Variants in CDC14B observed in about 807,000 individuals in gnomAD.
CDC14B encodes dual specificity protein phosphatase CDC14B.
In CDC14B, 22 loss-of-function variants were observed where a neutral mutation model predicts 64.2. The observed-to-expected ratio is 0.34, with a 90% CI of 0.24 to 0.49. The LOEUF (loss-of-function observed/expected upper bound fraction) is 0.49, where lower values mean the gene tolerates loss of function less well. CDC14B is among the 20% of genes least tolerant of loss of function. The probability of loss-of-function intolerance (pLI) is 0.99; values close to 1 mark genes in which losing one functional copy is unlikely to be tolerated. For synonymous variants in CDC14B, 191 were observed against 215.8 expected, an observed-to-expected ratio of 0.89 and a Z score of 1.01; for missense variants, 498 against 629.9, an observed-to-expected ratio of 0.79 and a Z score of 2.24.
chr9:96,502,591 CCCA>C lies in CDC14B; in HGVS notation c.*1159_*1161del. 1 of 226,806 alleles carries C rather than the reference CCCA, an allele frequency of 4.4e-6. No individual in the cohort carries two copies. The highest frequency in any genetic ancestry group is 5.7e-5 in the East Asian group (1 of 17,610). The allele number at this position is 226,806 out of a possible 1,614,324, so 14.0% of individuals were successfully genotyped here. A position where few individuals can be genotyped will look rare whatever the true frequency, so the allele number is the denominator to read the frequency against. On this transcript the variant is annotated 3_prime_UTR_variant, in exon 14 of 14. Coordinates refer to ENST00000375241, the MANE Select transcript of CDC14B (RefSeq NM_033331.4). Reference sequence around the variant, plus strand: ...TACTATATATTCTTTTATTTCGGGCCCCATTTTTTTTTTTTTTTTTAGCAGCAC... The same window carrying C: ...TACTATATATTCTTTTATTTCGGGCCTTTTTTTTTTTTTTTTTAGCAGCAC...
intron 1 of CDC14B, among the ~76,000 whole-genome samples, chr9:96,594,714 CAAAAAAA>C (rs11414625): frequency 6.8e-4 from 29 of 42,434 alleles, no homozygotes; most frequent in African/African-American, 2.5e-3. Context: ...AAGGCTGTCT[CAAAAAAA>C]AAAAAAAAAA....
intron 5 of CDC14B, among the ~76,000 whole-genome samples, chr9:96,545,798 G>GA (rs1271487579): frequency 6.6e-6 from 1 of 151,508 alleles, no homozygotes; most frequent in African/African-American, 2.4e-5. Flanking sequence ...GGGCCCTGCT[G>GA]AAGTCCTGCC....
At chr9:96,541,313 A>G (rs1180012567) in intron 6 of CDC14B, among the ~76,000 whole-genome samples, 2 of 152,220 alleles carry the variant, frequency 1.3e-5, no homozygotes, top group Non-Finnish European at 2.9e-5. Flanking sequence ...AGCAGCAGTG[A>G]CCCACTTAGT....
chr9:96,514,900 G>A (rs1249755910), intron 12 of CDC14B: 2 of 985,438 alleles, frequency 2.0e-6, no homozygotes, highest in East Asian at 2.3e-4. Flanking sequence ...AAGATCTCAA[G>A]AGAATACAGA....
intron 9 of CDC14B, among the ~76,000 whole-genome samples, chr9:96,526,299 C>CG (rs558935197): frequency 3.3e-5 from 5 of 152,114 alleles, no homozygotes; most frequent in Non-Finnish European, 7.3e-5. Flanking sequence ...ACCCGGGAGG[C>CG]GGAGCTTGCA....
intron 1 of CDC14B, among the ~76,000 whole-genome samples, chr9:96,566,360 T>C (rs1225375644): frequency 1.3e-5 from 1 of 74,168 alleles, no homozygotes; most frequent in Admixed American, 1.3e-4. Context: ...GGTAAACTAT[T>C]TTTTTTTTTT....
chr9:96,603,216 G>T (rs1846628091), intron 1 of CDC14B, among the ~76,000 whole-genome samples: 1 of 150,880 alleles, frequency 6.6e-6, no homozygotes, highest in South Asian at 2.1e-4. Context: ...TCTCTGGTAA[G>T]ACACACAAGA....
At position 96,515,508 on chromosome 9, in the gene CDC14B, T is replaced by C; in HGVS notation, c.1344-5719A>G. 2.6e-6 allele frequency: 2 copies of C among 769,750 alleles called. No individual in the cohort carries two copies. Among genetic ancestry groups the C allele is most frequent in the South Asian group, 2.3e-5 (1 of 43,058 alleles). The allele number at this position is 769,750 out of a possible 1,614,324, so 47.7% of individuals were successfully genotyped here. ...TCCCTCCCCACCACCATCCCATTAA[T>C]TGAAAAGATTCAGAAAAAGAACCTT... On this transcript the variant is annotated intron_variant, in intron 12 of 13. Transcript: ENST00000375241. The surrounding 1 kb of genome is among the most constrained non-coding windows in gnomAD (Gnocchi z 4.3).
At chr9:96,564,009 A>T (rs556254911) in intron 3 of CDC14B, among the ~76,000 whole-genome samples, 4 of 152,340 alleles carry the variant, frequency 2.6e-5, no homozygotes, top group African/African-American at 9.6e-5. Context: ...TTTTAATTAA[A>T]GCATGTTAAA....
At chr9:96,616,837 C>A (rs1468175886) in intron 1 of CDC14B, among the ~76,000 whole-genome samples, 1 of 152,110 alleles carries the variant, frequency 6.6e-6, no homozygotes, top group Non-Finnish European at 1.5e-5. Flanking sequence ...AAGGAAGGGA[C>A]CAGTTTGCCA....
intron 12 of CDC14B, among the ~76,000 whole-genome samples, chr9:96,519,047 A>T (rs1167790146): frequency 2.0e-5 from 3 of 151,930 alleles, no homozygotes; most frequent in African/African-American, 7.3e-5. Flanking sequence ...GAGGCAGGAG[A>T]ATGGCATGAT....
chr9:96,569,090 T>G (rs534489816), intron 1 of CDC14B, among the ~76,000 whole-genome samples: 1 of 152,216 alleles, frequency 6.6e-6, no homozygotes, highest in Non-Finnish European at 1.5e-5. Context: ...AATGCCTTCA[T>G]AGTCGGTGTC....
intron 1 of CDC14B, chr9:96,566,827 C>T: frequency 6.2e-7 from 1 of 1,604,004 alleles, no homozygotes; most frequent in Non-Finnish European, 8.5e-7. Context: ...GACTCCAAAG[C>T]ATCTGGAAGG....
downstream of CDC14B, chr9:96,496,211 T>C (rs1476717322): frequency 6.6e-6 from 3 of 455,846 alleles, no homozygotes; most frequent in African/African-American, 6.0e-5. Flanking sequence ...ACGCACCTGC[T>C]GAGAGGCTTC....
intron 5 of CDC14B, among the ~76,000 whole-genome samples, chr9:96,543,043 A>T (rs1047268113): frequency 3.0e-4 from 45 of 151,070 alleles, no homozygotes; most frequent in African/African-American, 1.1e-3. Flanking sequence ...AGCCCAAAAC[A>T]CCCACACAAC....
downstream of CDC14B, among the ~76,000 whole-genome samples, chr9:96,496,912 A>T (rs1161526113): frequency 2.0e-5 from 3 of 152,372 alleles, no homozygotes; most frequent in Middle Eastern, 3.4e-3. Context: ...GCCCGGGGCC[A>T]GGGAAACGCA....
At chr9:96,551,269 A>C (rs1376423051) in intron 5 of CDC14B, among the ~76,000 whole-genome samples, 5 of 151,714 alleles carry the variant, frequency 3.3e-5, no homozygotes, top group Non-Finnish European at 7.4e-5. Flanking sequence ...GGCATGTGCA[A>C]CCACGCCTGG....
chr9:96,560,759 C>CTTTT (rs369325680), intron 4 of CDC14B, among the ~76,000 whole-genome samples: 56 of 132,486 alleles, frequency 4.2e-4, no homozygotes, highest in Middle Eastern at 3.8e-3. Flanking sequence ...ACTACTCAAA[C>CTTTT]TTTTTTTTTT....
chr9:96,517,970 C>T (rs949122086), intron 12 of CDC14B, among the ~76,000 whole-genome samples: 2 of 152,004 alleles, frequency 1.3e-5, no homozygotes, highest in Non-Finnish European at 2.9e-5. Context: ...CTGTGTCCAG[C>T]CTCAGCTTGG....
Sources: gnomAD v4.1 joint callset for allele counts (sites outside exome capture counted in the v4.1 genomes callset) on GRCh38, gnomAD v4.1.1 for gene constraint, Gnocchi (gnomAD v3.1) non-coding constraint, MANE v1.5 for transcripts, NCBI Gene and HGNC (gene_info 2026-07-23, HGNC 2026-07-21) for gene names.